GPC5: variants seen among roughly 807,000 people sequenced by gnomAD.
The protein encoded by GPC5 is glypican 5.
Under a neutral mutation model 53.9 loss-of-function variants are expected in GPC5, and 47 were observed. The observed-to-expected ratio is 0.87, with a 90% CI of 0.69 to 1.11. The LOEUF is 1.11. GPC5 is among the 50% of genes most tolerant of loss of function. The pLI is 0.00. For missense variants in GPC5, 748 were observed against 713.1 expected (o/e 1.05, Z -0.56); for synonymous variants, 286 against 263.3 (o/e 1.09, Z -0.84).
At chr13:92,796,456 C>A (rs559467236) in intron 7 of GPC5, among the ~76,000 whole-genome samples, 2 of 152,016 alleles carry the variant, frequency 1.3e-5, no homozygotes, top group East Asian at 3.9e-4. Flanking sequence ...CACATGTACA[C>A]CTATGTAACC....
At chr13:92,436,969 C>T (rs1419914477) in intron 7 of GPC5, among the ~76,000 whole-genome samples, 1 of 151,924 alleles carries the variant, frequency 6.6e-6, no homozygotes, top group African/African-American at 2.4e-5. Flanking sequence ...GAAAACATGA[C>T]AAAATATAAA....
At chr13:92,610,968 A>ATTTTTTTTTTT (rs35225757) in intron 7 of GPC5, among the ~76,000 whole-genome samples, 1 of 140,120 alleles carries the variant, frequency 7.1e-6, no homozygotes, top group Non-Finnish European at 1.5e-5. Context: ...CTCAATACAT[A>ATTTTTTTTTTT]TTTTTTTTTT....
intron 6 of GPC5, among the ~76,000 whole-genome samples, chr13:91,915,334 T>C (rs1490000437): frequency 2.0e-5 from 3 of 152,154 alleles, no homozygotes; most frequent in Non-Finnish European, 4.4e-5. Context: ...GACTTCACTA[T>C]TAGACATTTC....
chr13:92,080,273 G>A (rs1421477491), intron 6 of GPC5, among the ~76,000 whole-genome samples: 1 of 151,964 alleles, frequency 6.6e-6, no homozygotes, highest in Non-Finnish European at 1.5e-5. Context: ...CCTCTTCTTG[G>A]ATGGTCCCAT....
intron 7 of GPC5, among the ~76,000 whole-genome samples, chr13:92,495,427 C>G (rs572267137): frequency 2.6e-5 from 4 of 152,138 alleles, no homozygotes; most frequent in Middle Eastern, 3.4e-3. Context: ...TATGGGAATC[C>G]TGAATGACTT....
At chr13:92,261,437 T>C (rs2042766270) in intron 7 of GPC5, among the ~76,000 whole-genome samples, 1 of 152,108 alleles carries the variant, frequency 6.6e-6, no homozygotes, top group Non-Finnish European at 1.5e-5. Context: ...ATTGGTGTTG[T>C]GAATGGATTG....
At chr13:92,426,309 C>A (rs926480731) in intron 7 of GPC5, among the ~76,000 whole-genome samples, 1 of 152,040 alleles carries the variant, frequency 6.6e-6, no homozygotes, top group Non-Finnish European at 1.5e-5. Flanking sequence ...CTCATTCTTA[C>A]CCTTTCTACA....
At chr13:92,677,489 C>T (rs1886984284) in intron 7 of GPC5, among the ~76,000 whole-genome samples, 2 of 152,160 alleles carry the variant, frequency 1.3e-5, no homozygotes. Flanking sequence ...TGAAAAGTAA[C>T]AAATTCTGTG....
intron 7 of GPC5, among the ~76,000 whole-genome samples, chr13:92,613,073 T>C (rs1291276864): frequency 6.6e-6 from 1 of 150,794 alleles, no homozygotes; most frequent in East Asian, 1.9e-4. Context: ...TAACTTTACC[T>C]AAATGATCGA....
At chr13:91,549,496 T>G (rs2030498145) in intron 2 of GPC5, among the ~76,000 whole-genome samples, 1 of 152,042 alleles carries the variant, frequency 6.6e-6, no homozygotes, top group African/African-American at 2.4e-5. Flanking sequence ...ATTTGAATAT[T>G]TGCAAAAGAC....
At chr13:91,959,576 C>A (rs1206807539) in intron 6 of GPC5, among the ~76,000 whole-genome samples, 1 of 151,814 alleles carries the variant, frequency 6.6e-6, no homozygotes, top group East Asian at 1.9e-4. Flanking sequence ...CCAAAACCAG[C>A]TTAGGACACA....
intron 6 of GPC5, among the ~76,000 whole-genome samples, chr13:92,119,153 G>T (rs1427125333): frequency 6.6e-6 from 1 of 152,110 alleles, no homozygotes; most frequent in Admixed American, 6.5e-5. Flanking sequence ...TTACATGGCG[G>T]CAGGCAAGAG....
chr13:92,293,867 G>A (rs557695804), intron 7 of GPC5, among the ~76,000 whole-genome samples: 1 of 152,042 alleles, frequency 6.6e-6, no homozygotes, highest in South Asian at 2.1e-4. Context: ...TATGTCCCTT[G>A]TATGCAGATT....
At chr13:91,984,493 G>C (rs2040388990) in intron 6 of GPC5, among the ~76,000 whole-genome samples, 1 of 152,168 alleles carries the variant, frequency 6.6e-6, no homozygotes, top group Admixed American at 6.5e-5. Flanking sequence ...TCTAATTAGG[G>C]TTGTACTGCA....
intron 7 of GPC5, among the ~76,000 whole-genome samples, chr13:92,267,395 T>C (rs2042810072): frequency 6.6e-6 from 1 of 152,146 alleles, no homozygotes; most frequent in African/African-American, 2.4e-5. Flanking sequence ...TCCTTAATTT[T>C]ATTTGACTCA....
chr13:92,850,746 G>C (rs1314203855), intron 7 of GPC5, among the ~76,000 whole-genome samples: 1 of 152,184 alleles, frequency 6.6e-6, no homozygotes, highest in Non-Finnish European at 1.5e-5. Context: ...ACAGGTGTCT[G>C]TCTCTCCCAT....
At chr13:92,147,621 A>T (rs2041877705) in intron 7 of GPC5, among the ~76,000 whole-genome samples, 1 of 152,058 alleles carries the variant, frequency 6.6e-6, no homozygotes, top group African/African-American at 2.4e-5. Context: ...GGTTTCAATT[A>T]CTGCTGAAAT....
intron 6 of GPC5, among the ~76,000 whole-genome samples, chr13:92,091,500 G>A (rs1207235832): frequency 6.6e-6 from 1 of 151,566 alleles, no homozygotes; most frequent in African/African-American, 2.4e-5. Context: ...AATGAACAAC[G>A]CATTTATTAT....
chr13:92,153,431 C>G (rs2041921272), intron 7 of GPC5, among the ~76,000 whole-genome samples: 1 of 152,160 alleles, frequency 6.6e-6, no homozygotes, highest in African/African-American at 2.4e-5. Context: ...AGCCACCATA[C>G]CCAGCCTTCA....
Sources: allele counts gnomAD v4.1 joint callset (sites outside exome capture counted in the v4.1 genomes callset), GRCh38; gene constraint gnomAD v4.1.1; transcripts MANE v1.5; gene names NCBI Gene and HGNC (gene_info 2026-07-23, HGNC 2026-07-21).